HGD: variants seen among roughly 807,000 people sequenced by gnomAD.
HGD encodes homogentisate oxidase.
In HGD, 61 loss-of-function variants were observed where a neutral mutation model predicts 60.8. The ratio of observed to expected loss-of-function variants is 1.00; its 90% CI spans 0.82 to 1.24. HGD has a LOEUF of 1.24. Ranked by LOEUF, HGD falls within the 50% of genes most tolerant of loss-of-function variation. The pLI is 0.00. For missense variants in HGD, 542 were observed against 547.1 expected, an observed-to-expected ratio of 0.99 and a Z score of 0.09; for synonymous variants, 212 against 187.7, an observed-to-expected ratio of 1.13 and a Z score of -1.06.
intron 1 of HGD, among the ~76,000 whole-genome samples, chr3:120,678,890 C>T (rs979535248): frequency 3.9e-5 from 6 of 152,292 alleles, no homozygotes; most frequent in African/African-American, 1.4e-4. Flanking sequence ...CTGAACTCTG[C>T]TTTTATCAGC....
intron 3 of HGD, 150 bp from the exon 4 acceptor site, chr3:120,670,682 A>G: frequency 1.4e-6 from 1 of 691,878 alleles, no homozygotes; most frequent in Non-Finnish European, 2.7e-6. Flanking sequence ...ATGATACAGC[A>G]TCACTTTTCA....
chr3:120,642,537 A>T (rs143630374), intron 10 of HGD, among the ~76,000 whole-genome samples: 1 of 152,220 alleles, frequency 6.6e-6, no homozygotes, highest in Non-Finnish European at 1.5e-5. Context: ...AAAAATACAT[A>T]AAGCATTGAC....
chr3:120,635,032 C>G (rs1351982227), intron 12 of HGD, among the ~76,000 whole-genome samples: 2 of 152,154 alleles, frequency 1.3e-5, no homozygotes, highest in Non-Finnish European at 2.9e-5. Flanking sequence ...CTCAGGGTCA[C>G]CTTCATGGCT....
intron 3 of HGD, among the ~76,000 whole-genome samples, chr3:120,673,205 A>G (rs1363699580): frequency 2.0e-5 from 3 of 152,092 alleles, no homozygotes; most frequent in African/African-American, 7.2e-5. Flanking sequence ...TTTTTAGCTG[A>G]GTTTATAAAA....
intron 13 of HGD, among the ~76,000 whole-genome samples, chr3:120,631,398 T>A (rs369520236): frequency 6.6e-6 from 1 of 152,178 alleles, no homozygotes. Context: ...CTTGAGGTAA[T>A]GGATACCCCA....
At chr3:120,633,084 C>T (rs426108) in intron 13 of HGD, 63 bp downstream of exon 13, 37 of 1,491,018 alleles carry the variant, frequency 2.5e-5, no homozygotes, top group Non-Finnish European at 1.9e-6. Flanking sequence ...GAAAAACGGC[C>T]ACCCCTCTCA....
At chr3:120,668,254 T>G (rs922371689) in intron 4 of HGD, among the ~76,000 whole-genome samples, 2 of 152,166 alleles carry the variant, frequency 1.3e-5, no homozygotes, top group Non-Finnish European at 2.9e-5. Flanking sequence ...ATTCACATTT[T>G]TCCACCCTAA....
intron 4 of HGD, among the ~76,000 whole-genome samples, chr3:120,664,147 G>C (rs1707842707): frequency 6.6e-6 from 1 of 151,984 alleles, no homozygotes; most frequent in African/African-American, 2.4e-5. Flanking sequence ...CTACAGTGCA[G>C]GTATCATTTT....
rs761435455 is a variant in HGD at position 120,646,261 on chromosome 3, A to T, written c.649+6T>A. ...CGAGGCTTAGAGGCTTGTAATGAAG[A>T]TTTACCAATTGGTCCAAGGTCAGGT... is the stretch of plus-strand genomic sequence containing the variant. On this transcript the variant is annotated splice_donor_region_variant and intron_variant, in intron 9 of 13. Coordinates refer to ENST00000283871, the MANE Select transcript of HGD (RefSeq NM_000187.4). 1 of 1,562,784 alleles carries T rather than the reference A, an allele frequency of 6.4e-7. No individual in the cohort carries two copies. Among genetic ancestry groups the T allele is most frequent in the Non-Finnish European group, 8.8e-7 (1 of 1,133,156 alleles).
At chr3:120,671,688 C>T (rs879186020) in intron 3 of HGD, among the ~76,000 whole-genome samples, 18 of 152,158 alleles carry the variant, frequency 1.2e-4, no homozygotes, top group Admixed American at 8.5e-4. Flanking sequence ...TACATGCACA[C>T]GTATGTTTAT....
At chr3:120,652,982 G>A (rs529993009) in intron 4 of HGD, among the ~76,000 whole-genome samples, 1 of 152,138 alleles carries the variant, frequency 6.6e-6, no homozygotes, top group Non-Finnish European at 1.5e-5. Context: ...TTTTGCCCAG[G>A]CACATCAGTG....
intron 10 of HGD, among the ~76,000 whole-genome samples, chr3:120,643,117 G>A (rs1428270320): frequency 1.3e-5 from 2 of 152,132 alleles, no homozygotes; most frequent in Non-Finnish European, 2.9e-5. Context: ...GGCTAGAGTA[G>A]TATCTAAGGA....
At chr3:120,654,566 G>A (rs1941438003) in intron 4 of HGD, among the ~76,000 whole-genome samples, 1 of 152,114 alleles carries the variant, frequency 6.6e-6, no homozygotes, top group South Asian at 2.1e-4. Flanking sequence ...GGCCATACGT[G>A]GCAGTGACAA....
chr3:120,650,923 C>G, intron 5 of HGD, 58 bp from the exon 6 acceptor site: 1 of 1,293,902 alleles, frequency 7.7e-7, no homozygotes, highest in Middle Eastern at 1.9e-4. Context: ...AAGAGGCAGC[C>G]CTTCCACTGG....
chr3:120,639,283 T>A (rs760829551), intron 11 of HGD, among the ~76,000 whole-genome samples: 29 of 152,156 alleles, frequency 1.9e-4, no homozygotes, highest in Non-Finnish European at 3.2e-4. Flanking sequence ...AGCTCCCACT[T>A]ATAAGTGAAA....
chr3:120,644,593 G>C (rs1210205639), intron 9 of HGD, 150 bp from the exon 10 acceptor site: 1 of 1,540,300 alleles, frequency 6.5e-7, no homozygotes, highest in Non-Finnish European at 8.7e-7. Context: ...TTTCCAGTCT[G>C]GTACCTTTTA....
intron 11 of HGD, 101 bp from the exon 12 acceptor site, chr3:120,638,682 C>T: frequency 1.5e-6 from 2 of 1,368,928 alleles, no homozygotes. Flanking sequence ...AAGTGACATT[C>T]TAATTTTTTT....
At chr3:120,675,998 C>T (rs1181081248) in intron 1 of HGD, 135 bp from the exon 2 acceptor site, 1 of 739,620 alleles carries the variant, frequency 1.4e-6, no homozygotes, top group Non-Finnish European at 2.5e-6. Flanking sequence ...AATATCTTTA[C>T]TGTGTCTTGA....
At chr3:120,679,447 G>T (rs749338671) in intron 1 of HGD, among the ~76,000 whole-genome samples, 1 of 152,212 alleles carries the variant, frequency 6.6e-6, no homozygotes, top group Non-Finnish European at 1.5e-5. Context: ...GCACATTATC[G>T]CAGTAGGCTG....
Sources: gnomAD v4.1 joint callset for allele counts (sites outside exome capture counted in the v4.1 genomes callset) on GRCh38, gnomAD v4.1.1 for gene constraint, MANE v1.5 for transcripts, NCBI Gene and HGNC (gene_info 2026-07-23, HGNC 2026-07-21) for gene names.